ARHGAP26: variants seen among roughly 807,000 people sequenced by gnomAD.
The protein encoded by ARHGAP26 is Rho GTPase activating protein 26.
A neutral mutation model predicts 104.8 loss-of-function variants in ARHGAP26; 38 were observed. That is an observed-to-expected ratio of 0.36 (90% CI 0.28 to 0.48). ARHGAP26 has a LOEUF of 0.48. ARHGAP26 is among the 20% of genes least tolerant of loss of function. The pLI is 0.99. For synonymous variants in ARHGAP26, 341 were observed against 340.0 expected (o/e 1.00, Z -0.03); for missense variants, 704 against 947.9 (o/e 0.74, Z 3.38).
At chr5:143,143,137 G>A (rs1032082809) in intron 19 of ARHGAP26, among the ~76,000 whole-genome samples, 2 of 152,118 alleles carry the variant, frequency 1.3e-5, no homozygotes, top group Non-Finnish European at 2.9e-5. Flanking sequence ...ATATTAGCCT[G>A]TATTCTGACA....
chr5:143,067,884 C>T (rs115378222), intron 17 of ARHGAP26, among the ~76,000 whole-genome samples: 1,872 of 152,286 alleles, frequency 0.012, 41 homozygotes, highest in Non-Finnish European at 0.014. Context: ...AAAACAGGGT[C>T]CAAGAGCAGT....
At chr5:142,817,008 C>T (rs1412624777) in intron 1 of ARHGAP26, among the ~76,000 whole-genome samples, 1 of 152,112 alleles carries the variant, frequency 6.6e-6, no homozygotes, top group Non-Finnish European at 1.5e-5. Context: ...GGCTTGATCA[C>T]TGACTAGATG....
intron 11 of ARHGAP26, among the ~76,000 whole-genome samples, chr5:142,977,457 C>T (rs1318778997): frequency 6.6e-6 from 1 of 151,994 alleles, no homozygotes; most frequent in Non-Finnish European, 1.5e-5. Context: ...GTTTTGAAAT[C>T]TTGATTTGCT....
intron 22 of ARHGAP26, 22 bp from the exon 23 acceptor site, chr5:143,222,336 T>C (rs1361869051): frequency 1.3e-6 from 2 of 1,532,826 alleles, no homozygotes; most frequent in African/African-American, 1.4e-5. Flanking sequence ...CTCTTCTCGC[T>C]TTCTCTCCCC....
intron 14 of ARHGAP26, among the ~76,000 whole-genome samples, chr5:143,048,856 G>A (rs868836296): frequency 6.7e-6 from 1 of 149,574 alleles, no homozygotes; most frequent in Non-Finnish European, 1.5e-5. Flanking sequence ...GGAGGTTGCA[G>A]TGAGCTGAGT....
chr5:142,824,401 G>A (rs1000122739), intron 1 of ARHGAP26, among the ~76,000 whole-genome samples: 1 of 152,130 alleles, frequency 6.6e-6, no homozygotes, highest in African/African-American at 2.4e-5. Context: ...GACAGAGCTG[G>A]AAGTGTGTGG....
intron 17 of ARHGAP26, among the ~76,000 whole-genome samples, chr5:143,112,756 A>C (rs1430761212): frequency 1.3e-5 from 2 of 152,200 alleles, no homozygotes; most frequent in Non-Finnish European, 2.9e-5. Context: ...CAATATCCCC[A>C]AGATTCATCC....
rs777434014 is a variant in ARHGAP26 at position 143,223,203 on chromosome 5, CA to C, written c.*758del. On this transcript the variant is annotated 3_prime_UTR_variant, in exon 23 of 23. Coordinates refer to ENST00000645722, the MANE Select transcript of ARHGAP26 (RefSeq NM_001135608.3). ...AAACCAAACCAAAAAAATAAAATAA[CA>C]CATCCTCTTTGCATGACACATTTTT... 3.0e-5 allele frequency: 7 copies of C among 233,170 alleles called. No individual in the cohort carries two copies. The highest frequency in any genetic ancestry group is 5.9e-5 in the Non-Finnish European group (7 of 117,778). The allele number at this position is 233,170 out of a possible 1,614,324, so 14.4% of individuals were successfully genotyped here.
chr5:143,109,630 G>A (rs1049955014), intron 17 of ARHGAP26, among the ~76,000 whole-genome samples: 5 of 151,968 alleles, frequency 3.3e-5, no homozygotes, highest in Non-Finnish European at 5.9e-5. Flanking sequence ...AGTAGAGATG[G>A]GGTTTTGCCA....
intron 17 of ARHGAP26, among the ~76,000 whole-genome samples, chr5:143,119,194 A>C (rs968472088): frequency 6.6e-6 from 1 of 152,200 alleles, no homozygotes; most frequent in African/African-American, 2.4e-5. Context: ...AGTCAGATGT[A>C]GTGTGGAGAA....
At chr5:143,128,035 T>C (rs1403527357) in intron 18 of ARHGAP26, among the ~76,000 whole-genome samples, 1 of 152,238 alleles carries the variant, frequency 6.6e-6, no homozygotes, top group Non-Finnish European at 1.5e-5. Context: ...GTACTCTTTT[T>C]GTTCCTCTCC....
chr5:143,091,166 G>A (rs1479323699), intron 17 of ARHGAP26, among the ~76,000 whole-genome samples: 1 of 152,184 alleles, frequency 6.6e-6, no homozygotes, highest in African/African-American at 2.4e-5. Flanking sequence ...TGGAGGGGGC[G>A]GCGCTTTCTT....
rs549461608 is a variant in ARHGAP26 at position 142,926,326 on chromosome 5, TGATTCTTAAGCAGATCCA to T, written c.1029-5687_1029-5670del. On this transcript the variant is annotated intron_variant, in intron 10 of 22. Coordinates refer to ENST00000645722, the MANE Select transcript of ARHGAP26 (RefSeq NM_001135608.3). ...AGAGAAAATTCCAGATCCTCGTTCATGATTCTTAAGCAGATCCAGATTCTTAAGCAGATCCAGATTCTT... is the reference window on the plus strand; with the variant it reads ...AGAGAAAATTCCAGATCCTCGTTCATGATTCTTAAGCAGATCCAGATTCTT... Among the ~76,000 whole-genome samples the T allele has an allele frequency of 2.9e-3, 447 of 152,286 alleles. 1 individual carries two copies. The highest frequency in any genetic ancestry group is 9.5e-3 in the African/African-American group (396 of 41,542).
Position 142,770,466 on chromosome 5 carries a change from GCACT to G in ARHGAP26, c.-294_-291del, listed in dbSNP as rs146003189. 0.038 allele frequency: 7,239 copies of G among 192,946 alleles called. 295 individuals are homozygous for G. The highest frequency in any genetic ancestry group is 0.091 in the African/African-American group (3,933 of 43,030). 12.0% of individuals were successfully genotyped at this position (192,946 alleles called of 1,614,324 possible). A position where few individuals can be genotyped will look rare whatever the true frequency, so the allele number is the denominator to read the frequency against. Reference sequence around the variant, plus strand: ...CGAAGGAGGCGGGGAGGCGGCGTCTGCACTCGCTCGCCCGCTCGCTCGCTTCCCG... The same window carrying G: ...CGAAGGAGGCGGGGAGGCGGCGTCTGCGCTCGCCCGCTCGCTCGCTTCCCG... On this transcript the variant is annotated 5_prime_UTR_variant, in exon 1 of 23. Coordinates refer to ENST00000645722, the MANE Select transcript of ARHGAP26 (RefSeq NM_001135608.3).
chr5:142,826,718 C>G (rs75926611), intron 1 of ARHGAP26, among the ~76,000 whole-genome samples: 4 of 152,170 alleles, frequency 2.6e-5, no homozygotes, highest in African/African-American at 9.7e-5. Flanking sequence ...TCACCAGGTG[C>G]GATCTAGTTT....
chr5:143,181,551 G>A (rs1367058059), intron 20 of ARHGAP26, among the ~76,000 whole-genome samples: 5 of 152,130 alleles, frequency 3.3e-5, no homozygotes, highest in African/African-American at 1.2e-4. Flanking sequence ...CTGGTTATTT[G>A]TCTCATTCTC....
intron 10 of ARHGAP26, among the ~76,000 whole-genome samples, chr5:142,919,789 G>C (rs1413722238): frequency 2.0e-5 from 3 of 152,104 alleles, no homozygotes; most frequent in Non-Finnish European, 2.9e-5. Flanking sequence ...TTGAGCTCAG[G>C]AGTTCAAGAC....
intron 1 of ARHGAP26, among the ~76,000 whole-genome samples, chr5:142,814,089 G>A (rs1246736070): frequency 6.6e-6 from 1 of 152,264 alleles, no homozygotes; most frequent in African/African-American, 2.4e-5. Context: ...TTATCCACAA[G>A]TAGGTAAGCT....
chr5:143,010,922 C>T (rs1778630779), intron 11 of ARHGAP26: 1 of 152,198 alleles, frequency 6.6e-6, no homozygotes, highest in African/African-American at 2.4e-5. Flanking sequence ...AAGAAAAATA[C>T]TTGCCAAAGT....
Sources: gnomAD v4.1 joint callset for allele counts (sites outside exome capture counted in the v4.1 genomes callset) on GRCh38, gnomAD v4.1.1 for gene constraint, MANE v1.5 for transcripts, NCBI Gene and HGNC (gene_info 2026-07-23, HGNC 2026-07-21) for gene names.